Variants in NRXN3 observed in about 807,000 individuals in gnomAD.
NRXN3 encodes neurexin III.
Under a neutral mutation model 137.6 loss-of-function variants are expected in NRXN3, and 32 were observed. The ratio of observed to expected loss-of-function variants is 0.23; its 90% CI spans 0.18 to 0.31. The LOEUF (loss-of-function observed/expected upper bound fraction) is 0.31. NRXN3 is among the 10% of genes least tolerant of loss of function. The probability of loss-of-function intolerance (pLI) is 1.00; values close to 1 mark genes in which losing one functional copy is unlikely to be tolerated. For missense variants in NRXN3, 1,574 were observed against 2,062.5 expected (o/e 0.76, Z 4.59); for synonymous variants, 798 against 784.5 (o/e 1.02, Z -0.29).
intron 5 of NRXN3, among the ~76,000 whole-genome samples, chr14:78,647,204 A>G (rs1424868926): frequency 6.6e-6 from 1 of 152,228 alleles, no homozygotes; most frequent in Admixed American, 6.5e-5. Flanking sequence ...AAATGGAGAG[A>G]GGATAAACCA....
At chr14:79,132,833 G>T (rs759176633) in intron 15 of NRXN3, among the ~76,000 whole-genome samples, 1 of 152,242 alleles carries the variant, frequency 6.6e-6, no homozygotes, top group Non-Finnish European at 1.5e-5. Context: ...AAGTTGAGCT[G>T]CGATGCAGGC....
At chr14:78,285,400 G>A (rs1225792328) in intron 3 of NRXN3, among the ~76,000 whole-genome samples, 1 of 152,104 alleles carries the variant, frequency 6.6e-6, no homozygotes. Flanking sequence ...CTCATTTAAT[G>A]TTTTTGACAT....
intron 10 of NRXN3, among the ~76,000 whole-genome samples, chr14:78,928,571 A>G (rs2099312789): frequency 6.6e-6 from 1 of 151,916 alleles, no homozygotes; most frequent in South Asian, 2.1e-4. Flanking sequence ...TGTCCTTGCG[A>G]TAGTTTGCTC....
intron 2 of NRXN3, among the ~76,000 whole-genome samples, chr14:78,246,319 C>T (rs910271883): frequency 6.6e-6 from 1 of 152,144 alleles, no homozygotes; most frequent in Non-Finnish European, 1.5e-5. Flanking sequence ...TTCTTCAGAG[C>T]AGATTGTGTG....
intron 16 of NRXN3, among the ~76,000 whole-genome samples, chr14:79,516,817 C>A (rs1483982035): frequency 6.6e-6 from 1 of 152,166 alleles, no homozygotes; most frequent in Non-Finnish European, 1.5e-5. Context: ...AGCTGCCTTA[C>A]CGTATCAGAA....
intron 4 of NRXN3, among the ~76,000 whole-genome samples, chr14:78,417,237 A>G (rs1598421780): frequency 6.6e-6 from 1 of 152,274 alleles, no homozygotes; most frequent in Admixed American, 6.5e-5. Context: ...ATCTTGCGCC[A>G]CTGCCCATTT....
chr14:79,475,274 A>T (rs1264592280), intron 16 of NRXN3, among the ~76,000 whole-genome samples: 2 of 152,178 alleles, frequency 1.3e-5, no homozygotes, highest in African/African-American at 2.4e-5. Context: ...TGTGTGGAAA[A>T]TAGGTTATGG....
At chr14:78,550,346 T>G (rs1446106195) in intron 4 of NRXN3, among the ~76,000 whole-genome samples, 1 of 152,190 alleles carries the variant, frequency 6.6e-6, no homozygotes, top group Non-Finnish European at 1.5e-5. Flanking sequence ...TGCAAACTTT[T>G]ACTTCTATGA....
chr14:78,948,181 A>G (rs1330980320), intron 10 of NRXN3, among the ~76,000 whole-genome samples: 5 of 152,210 alleles, frequency 3.3e-5, no homozygotes, highest in Non-Finnish European at 7.4e-5. Flanking sequence ...GCAGAAAGAA[A>G]CACCAGTATG....
At chr14:79,763,043 G>A (rs1308523807) in intron 19 of NRXN3, among the ~76,000 whole-genome samples, 1 of 149,872 alleles carries the variant, frequency 6.7e-6, no homozygotes, top group Non-Finnish European at 1.5e-5. Context: ...GACAGGCCCT[G>A]GTATGTGATG....
At chr14:78,833,746 C>G (rs2098988660) in intron 10 of NRXN3, among the ~76,000 whole-genome samples, 1 of 151,960 alleles carries the variant, frequency 6.6e-6, no homozygotes, top group African/African-American at 2.4e-5. Context: ...TAAGGTGTTC[C>G]AGGCACTGTG....
intron 4 of NRXN3, among the ~76,000 whole-genome samples, chr14:78,454,123 G>A (rs765825631): frequency 6.6e-6 from 1 of 152,150 alleles, no homozygotes; most frequent in Non-Finnish European, 1.5e-5. Context: ...CACAATACCA[G>A]ATCCTGAGAA....
chr14:78,969,814 A>AGTGTGT (rs376306137), intron 14 of NRXN3, among the ~76,000 whole-genome samples: 5,292 of 141,414 alleles, frequency 0.037, 101 homozygotes, highest in East Asian at 0.09. Context: ...TGTACTATGT[A>AGTGTGT]GTGTGTGTGT....
At chr14:79,053,253 C>T (rs1595418427) in intron 15 of NRXN3, among the ~76,000 whole-genome samples, 1 of 152,196 alleles carries the variant, frequency 6.6e-6, no homozygotes, top group Non-Finnish European at 1.5e-5. Context: ...AGTTTTACAG[C>T]TTGATGTATG....
At chr14:79,501,720 CTT>C (rs1489182748) in intron 16 of NRXN3, among the ~76,000 whole-genome samples, 1 of 147,418 alleles carries the variant, frequency 6.8e-6, no homozygotes, top group Admixed American at 6.8e-5. Flanking sequence ...TTAGCCTCCT[CTT>C]TGAGCTTTAG....
At chr14:78,830,690 C>CT (rs534735442) in intron 10 of NRXN3, among the ~76,000 whole-genome samples, 52 of 146,176 alleles carry the variant, frequency 3.6e-4, no homozygotes, top group African/African-American at 6.3e-4. Flanking sequence ...TTTAGGAGCT[C>CT]TTTTTTTTTT....
intron 4 of NRXN3, among the ~76,000 whole-genome samples, chr14:78,525,358 A>C (rs2096361838): frequency 6.6e-6 from 1 of 152,206 alleles, no homozygotes; most frequent in Non-Finnish European, 1.5e-5. Context: ...GAAAATAAGC[A>C]TTGGCCCCCA....
intron 10 of NRXN3, among the ~76,000 whole-genome samples, chr14:78,916,801 T>C (rs942284563): frequency 2.6e-5 from 4 of 152,146 alleles, no homozygotes; most frequent in Non-Finnish European, 2.9e-5. Flanking sequence ...TTCTGCAGGG[T>C]GGACCTCCCA....
At chr14:79,227,097 C>T (rs529905162) in intron 15 of NRXN3, among the ~76,000 whole-genome samples, 5 of 152,020 alleles carry the variant, frequency 3.3e-5, no homozygotes, top group Admixed American at 1.3e-4. Flanking sequence ...GAATTACAGG[C>T]GTGAGCCACC....
Sources: allele counts gnomAD v4.1 joint callset (sites outside exome capture counted in the v4.1 genomes callset), GRCh38; gene constraint gnomAD v4.1.1; transcripts MANE v1.5; gene names NCBI Gene and HGNC (gene_info 2026-07-23, HGNC 2026-07-21).